ATAD5: variants seen among roughly 807,000 people sequenced by gnomAD.
The protein encoded by ATAD5 is ATPase family AAA domain-containing protein 5.
In ATAD5, 58 loss-of-function variants were observed where a neutral mutation model predicts 176.9. The ratio of observed to expected loss-of-function variants is 0.33; its 90% CI spans 0.27 to 0.41. The LOEUF (loss-of-function observed/expected upper bound fraction) is 0.41, where lower values mean the gene tolerates loss of function less well. Ranked by LOEUF, ATAD5 falls within the 10% of genes least tolerant of loss-of-function variation. The probability of loss-of-function intolerance (pLI) is 1.00; values close to 1 mark genes in which losing one functional copy is unlikely to be tolerated. For missense variants in ATAD5, 1,789 were observed against 2,094.1 expected (o/e 0.85, Z 2.84); for synonymous variants, 640 against 712.6 (o/e 0.90, Z 1.62).
chr17:30,874,607 C>CTATTTATTTATTTATTTATTTATTTATT (rs200064158), intron 14 of ATAD5, among the ~76,000 whole-genome samples: 1 of 133,220 alleles, frequency 7.5e-6, no homozygotes, highest in African/African-American at 2.9e-5. Context: ...ATCTGTTCAA[C>CTATTTATTTATTTATTTATTTATTTATT]TATTTATTTA....
intron 18 of ATAD5, among the ~76,000 whole-genome samples, chr17:30,881,414 C>T (rs1251963204): frequency 1.3e-5 from 2 of 152,164 alleles, no homozygotes; most frequent in East Asian, 1.9e-4. Context: ...ATTCTCCCAC[C>T]TCAGCCTCCC....
chr17:30,839,148 T>C (rs1028205432), intron 3 of ATAD5, among the ~76,000 whole-genome samples: 2 of 152,140 alleles, frequency 1.3e-5, no homozygotes, highest in Non-Finnish European at 2.9e-5. Context: ...TTTTAATGTT[T>C]CTATGAGAAT....
intron 19 of ATAD5, among the ~76,000 whole-genome samples, chr17:30,887,615 C>A (rs1420849566): frequency 6.6e-6 from 1 of 151,866 alleles, no homozygotes; most frequent in Admixed American, 6.6e-5. Context: ...TCAAAACCAG[C>A]CTGCGCAAGA....
intron 4 of ATAD5, among the ~76,000 whole-genome samples, chr17:30,843,121 G>A (rs1191499809): frequency 1.3e-5 from 2 of 151,880 alleles, no homozygotes; most frequent in African/African-American, 4.8e-5. Flanking sequence ...GGAGGCCAAG[G>A]TGGGAGGATT....
intron 11 of ATAD5, among the ~76,000 whole-genome samples, chr17:30,867,270 C>T (rs989685074): frequency 6.6e-6 from 1 of 152,024 alleles, no homozygotes; most frequent in African/African-American, 2.4e-5. Flanking sequence ...AATGATGGCG[C>T]CCACTTGGAT....
At chr17:30,882,068 T>C (rs1909054592) in intron 18 of ATAD5, among the ~76,000 whole-genome samples, 1 of 151,982 alleles carries the variant, frequency 6.6e-6, no homozygotes, top group Non-Finnish European at 1.5e-5. Context: ...GAGATGAGCC[T>C]CAACATTGAG....
intron 11 of ATAD5, 95 bp downstream of exon 11, chr17:30,865,895 G>A: frequency 1.5e-6 from 1 of 662,966 alleles, no homozygotes; most frequent in Non-Finnish European, 2.3e-6. Context: ...TATATCTCAT[G>A]ATAAAATCTT....
chr17:30,878,723 T>TTA (rs1555559787), intron 17 of ATAD5, among the ~76,000 whole-genome samples: 1 of 82,550 alleles, frequency 1.2e-5, no homozygotes, highest in East Asian at 3.0e-4. Context: ...GTGGTGTTTT[T>TTA]TTTTTTTTTT....
chr17:30,889,166 C>CT (rs34948000), intron 19 of ATAD5, among the ~76,000 whole-genome samples: 13,214 of 134,340 alleles, frequency 0.098, 836 homozygotes, highest in South Asian at 0.24. Context: ...TCTTTTCTTT[C>CT]TTTTTTTTTT....
intron 10 of ATAD5, among the ~76,000 whole-genome samples, chr17:30,865,374 G>C (rs888991001): frequency 1.3e-5 from 2 of 151,862 alleles, no homozygotes; most frequent in Admixed American, 6.6e-5. Flanking sequence ...GGGTTTCACC[G>C]TGTTAGCCAG....
intron 18 of ATAD5, among the ~76,000 whole-genome samples, chr17:30,880,671 A>T (rs1908961216): frequency 6.6e-6 from 1 of 151,936 alleles, no homozygotes; most frequent in African/African-American, 2.4e-5. Context: ...ATATGTTAAA[A>T]TTTTTAAGTT....
At position 30,835,068 on chromosome 17, in the gene ATAD5, C is replaced by T. The variant is rs751370355; in HGVS notation, c.987C>T (p.His329=). 2 of 1,613,890 alleles carry T rather than the reference C, an allele frequency of 1.2e-6. No individual in the cohort carries two copies. The highest frequency in any genetic ancestry group is 1.7e-5 in the Admixed American group (1 of 59,998). ...CAGTTACTGTTCTTGCACAGGTTCACCCTATTCCGCCCAAAAAGACAGGGA... is the reference window on the plus strand; with the variant it reads ...CAGTTACTGTTCTTGCACAGGTTCATCCTATTCCGCCCAAAAAGACAGGGA... ...FKTVTVLAQV[H]PIPPKKTGKI... is the part of the protein sequence containing the mutation. Residue 329 remains histidine (H), a synonymous_variant, in exon 2 of 23, where the codon CAC becomes CAT. Coordinates refer to ENST00000321990, the MANE Select transcript of ATAD5 (RefSeq NM_024857.5).
intron 11 of ATAD5, among the ~76,000 whole-genome samples, chr17:30,867,056 CTTTTTT>C: frequency 7.0e-6 from 1 of 142,942 alleles, no homozygotes; most frequent in East Asian, 2.0e-4. Flanking sequence ...TTCCTTCTTT[CTTTTTT>C]TTTTTTTTAC....
chr17:30,861,896 G>A (rs541684006), intron 10 of ATAD5: 3 of 151,474 alleles, frequency 2.0e-5, no homozygotes. Context: ...GAGAAAATTA[G>A]CATGGCCCCT....
intron 3 of ATAD5, among the ~76,000 whole-genome samples, chr17:30,838,044 C>G (rs529409119): frequency 6.6e-6 from 1 of 152,340 alleles, no homozygotes; most frequent in East Asian, 1.9e-4. Flanking sequence ...TAGCAACACT[C>G]TGGCCTCTAT....
At chr17:30,886,571 G>T (rs1390261311) in intron 18 of ATAD5, among the ~76,000 whole-genome samples, 3 of 151,554 alleles carry the variant, frequency 2.0e-5, no homozygotes, top group Non-Finnish European at 4.4e-5. Flanking sequence ...GGGCAGGCTG[G>T]TCTCAAACTC....
At position 30,834,661 on chromosome 17, in the gene ATAD5, A is replaced by G; in HGVS notation, c.580A>G (p.Lys194Glu). 1 of 1,610,464 alleles carries G rather than the reference A, an allele frequency of 6.2e-7. No individual in the cohort carries two copies. Among genetic ancestry groups the G allele is most frequent in the South Asian group, 1.1e-5 (1 of 89,816 alleles). Reference sequence around the variant, plus strand: ...GCAAAATTCTAAAAAAGTAAATCCTAAACAAGGGACCACAAAAAATGACTT... The same window carrying G: ...GCAAAATTCTAAAAAAGTAAATCCTGAACAAGGGACCACAAAAAATGACTT... ...SLQNSKKVNP[K>E]QGTTKNDFKK... Residue 194 changes from lysine (K) to glutamate (E), a missense_variant, in exon 2 of 23, where the codon AAA becomes GAA. This residue lies in a region of ATAD5 where 696 missense variants were observed against 712.5 expected (regional missense o/e 0.98). Coordinates refer to ENST00000321990, the MANE Select transcript of ATAD5 (RefSeq NM_024857.5).
chr17:30,853,631 T>A (rs1168934695), intron 6 of ATAD5, among the ~76,000 whole-genome samples: 1 of 152,174 alleles, frequency 6.6e-6, no homozygotes, highest in African/African-American at 2.4e-5. Context: ...CCCAAATATC[T>A]AATTGCACAG....
chr17:30,869,103 G>C (rs977201796), intron 12 of ATAD5, 145 bp from the exon 13 acceptor site: 1 of 910,952 alleles, frequency 1.1e-6, no homozygotes. Context: ...TGGGATTACA[G>C]GCATGTGCCA....
Sources: allele counts gnomAD v4.1 joint callset (sites outside exome capture counted in the v4.1 genomes callset), GRCh38; gene constraint gnomAD v4.1.1; regional missense constraint gnomAD v4.1.1; transcripts MANE v1.5; gene names NCBI Gene and HGNC (gene_info 2026-07-23, HGNC 2026-07-21).